KIF26B: variants seen among roughly 807,000 people sequenced by gnomAD.
KIF26B encodes kinesin-like protein KIF26B.
In KIF26B, 63 loss-of-function variants were observed where a neutral mutation model predicts 151.2. That is an observed-to-expected ratio of 0.42 (90% CI 0.34 to 0.51). KIF26B has a LOEUF of 0.51. KIF26B is among the 20% of genes least tolerant of loss of function. KIF26B has a pLI of 0.07. For missense variants in KIF26B, 2,813 were observed against 2,913.6 expected (o/e 0.97, Z 0.79); for synonymous variants, 1,357 against 1,262.1 (o/e 1.08, Z -1.59).
At chr1:245,647,241 C>T (rs369584093) in intron 10 of KIF26B, among the ~76,000 whole-genome samples, 88 of 151,806 alleles carry the variant, frequency 5.8e-4, no homozygotes, top group African/African-American at 1.5e-3. Context: ...CTGGCTAACA[C>T]GGTGAAACCC....
intron 2 of KIF26B, among the ~76,000 whole-genome samples, chr1:245,201,817 T>A (rs1669305200): frequency 6.6e-6 from 1 of 152,206 alleles, no homozygotes; most frequent in Non-Finnish European, 1.5e-5. Flanking sequence ...GGAATGTTTT[T>A]AATAGGGATC....
At chr1:245,407,813 CCCTAAGGT>C (rs1211923385) in intron 3 of KIF26B, among the ~76,000 whole-genome samples, 2 of 152,178 alleles carry the variant, frequency 1.3e-5, no homozygotes, top group African/African-American at 4.8e-5. Flanking sequence ...CAGACACAGT[CCCTAAGGT>C]CCTAAGGTTG....
At chr1:245,323,533 C>A (rs6428914) in intron 2 of KIF26B, among the ~76,000 whole-genome samples, 87,473 of 152,022 alleles carry the variant, frequency 0.58, 25,837 homozygotes, top group African/African-American at 0.73. Flanking sequence ...CTCTTGATGG[C>A]AAGACCGAGC....
At chr1:245,441,317 G>A (rs919829002) in intron 4 of KIF26B, among the ~76,000 whole-genome samples, 4 of 152,110 alleles carry the variant, frequency 2.6e-5, no homozygotes, top group African/African-American at 9.7e-5. Flanking sequence ...ACCAGATTTT[G>A]TTTAAAACAA....
At chr1:245,221,173 A>G (rs1446697797) in intron 2 of KIF26B, among the ~76,000 whole-genome samples, 1 of 152,080 alleles carries the variant, frequency 6.6e-6, no homozygotes, top group African/African-American at 2.4e-5. Context: ...CCTATATCCA[A>G]ATATTTCTGA....
chr1:245,635,063 A>G (rs906244542), intron 9 of KIF26B, among the ~76,000 whole-genome samples: 1 of 146,056 alleles, frequency 6.8e-6, no homozygotes, highest in African/African-American at 2.5e-5. Context: ...TTTTTTGGCA[A>G]TGTTCATGAG....
intron 3 of KIF26B, among the ~76,000 whole-genome samples, chr1:245,399,545 T>C (rs982356482): frequency 6.6e-6 from 1 of 152,220 alleles, no homozygotes; most frequent in African/African-American, 2.4e-5. Context: ...GAAAGGATCA[T>C]TTTGAGAATC....
At chr1:245,322,699 A>G (rs749952388) in intron 2 of KIF26B, among the ~76,000 whole-genome samples, 13 of 152,346 alleles carry the variant, frequency 8.5e-5, no homozygotes, top group South Asian at 4.1e-4. Flanking sequence ...GTTTATAATT[A>G]TTAAAGATGC....
At chr1:245,527,401 T>C (rs1451446401) in intron 4 of KIF26B, among the ~76,000 whole-genome samples, 8 of 152,070 alleles carry the variant, frequency 5.3e-5, no homozygotes, top group Non-Finnish European at 8.8e-5. Flanking sequence ...AATAGCTGGG[T>C]TGTAGGTACA....
At chr1:245,419,400 T>C (rs187453584) in intron 3 of KIF26B, among the ~76,000 whole-genome samples, 179 bp from the exon 4 acceptor site, 15 of 152,316 alleles carry the variant, frequency 9.8e-5, no homozygotes, top group South Asian at 6.2e-4. Context: ...GGAAGTATCC[T>C]AGCTAAAATG....
rs773220753 is a variant in KIF26B, at chr1:245,475,458, G to C, written c.1166+55713G>C. ...GCGGGTCCTGGTTGGGGGTCAGAAG[G>C]TCATTGGATAGGCGGGAAAAAAAAT... On this transcript the variant is annotated intron_variant, in intron 4 of 14. Coordinates refer to ENST00000407071, the MANE Select transcript of KIF26B (RefSeq NM_018012.4). 1.5e-4 allele frequency among the ~76,000 whole-genome samples: 23 copies of C among 151,702 alleles called. 2 individuals carry two copies. Among genetic ancestry groups the C allele is most frequent in the Non-Finnish European group, 3.4e-4 (23 of 67,822 alleles).
At chr1:245,417,105 G>GA (rs34888414) in intron 3 of KIF26B, among the ~76,000 whole-genome samples, 47,144 of 151,960 alleles carry the variant, frequency 0.31, 7,934 homozygotes, top group South Asian at 0.42. Flanking sequence ...GGCTGTGTCT[G>GA]AAAAATGGAG....
At chr1:245,439,148 G>C (rs1659002723) in intron 4 of KIF26B, among the ~76,000 whole-genome samples, 1 of 152,044 alleles carries the variant, frequency 6.6e-6, no homozygotes. Context: ...AGGAGTTTGA[G>C]ACCAGCCTGG....
rs137943635 is a variant in KIF26B at position 245,241,805 on chromosome 1, G to A, written c.465+85122G>A. ...GTGCAGCCTCTGGAAGGTCTGGAAGGTGCTTGCTTTGGGGACTCGGCCCTG... is the reference window on the plus strand; with the variant it reads ...GTGCAGCCTCTGGAAGGTCTGGAAGATGCTTGCTTTGGGGACTCGGCCCTG... On this transcript the variant is annotated intron_variant, in intron 2 of 14. Transcript: ENST00000407071. The surrounding 1 kb of genome is among the most constrained non-coding windows in gnomAD (Gnocchi z 5.0). Among the ~76,000 whole-genome samples, 76 of 152,332 alleles carry A rather than the reference G, an allele frequency of 5.0e-4. No homozygotes were observed. The highest frequency in any genetic ancestry group is 1.7e-3 in the African/African-American group (71 of 41,568).
chr1:245,699,935 T>C (rs1007382579), intron 14 of KIF26B, among the ~76,000 whole-genome samples: 1 of 152,140 alleles, frequency 6.6e-6, no homozygotes, highest in Non-Finnish European at 1.5e-5. Context: ...TGGTGTGAAA[T>C]GGTCCTGGGT....
intron 2 of KIF26B, among the ~76,000 whole-genome samples, chr1:245,195,018 A>G (rs2103534740): frequency 6.6e-6 from 1 of 152,292 alleles, no homozygotes; most frequent in East Asian, 1.9e-4. Flanking sequence ...TATAAAGGCA[A>G]CTAGTTGGGA....
intron 4 of KIF26B, among the ~76,000 whole-genome samples, chr1:245,420,417 T>A (rs1473004368): frequency 6.6e-6 from 1 of 152,220 alleles, no homozygotes; most frequent in African/African-American, 2.4e-5. Context: ...TCCTTATTTA[T>A]GAATGAGGAA....
At chr1:245,390,943 A>AAAAACAAAAAAAAAC (rs1553270126) in intron 3 of KIF26B, among the ~76,000 whole-genome samples, 1 of 118,410 alleles carries the variant, frequency 8.4e-6, no homozygotes, top group African/African-American at 4.1e-5. Flanking sequence ...AAAAAAAAAA[A>AAAAACAAAAAAAAAC]AAAAAAAAAC....
intron 10 of KIF26B, among the ~76,000 whole-genome samples, chr1:245,654,997 A>G (rs193273978): frequency 6.6e-6 from 1 of 152,344 alleles, no homozygotes; most frequent in East Asian, 1.9e-4. Context: ...GATTAAGGTG[A>G]TCAGCCTCTC....
Sources: gnomAD v4.1 joint callset for allele counts (sites outside exome capture counted in the v4.1 genomes callset) on GRCh38, gnomAD v4.1.1 for gene constraint, Gnocchi (gnomAD v3.1) non-coding constraint, MANE v1.5 for transcripts, NCBI Gene and HGNC (gene_info 2026-07-23, HGNC 2026-07-21) for gene names.